CDH13: variants seen among roughly 807,000 people sequenced by gnomAD.
CDH13 encodes cadherin 13.
Under a neutral mutation model 63.8 loss-of-function variants are expected in CDH13, and 24 were observed. The ratio of observed to expected loss-of-function variants is 0.38; its 90% confidence interval spans 0.27 to 0.53. The LOEUF is 0.53. Among genes scored for constraint, CDH13 ranks in the 20% least tolerant of loss-of-function variants. The probability of loss-of-function intolerance (pLI) is 0.85; values close to 1 mark genes in which losing one functional copy is unlikely to be tolerated. For missense variants in CDH13, 1,049 were observed against 903.1 expected (o/e 1.16, Z -2.07); for synonymous variants, 503 against 355.3 (o/e 1.42, Z -4.67).
At chr16:83,241,015 T>A (rs980120373) in intron 5 of CDH13, among the ~76,000 whole-genome samples, 3 of 152,194 alleles carry the variant, frequency 2.0e-5, no homozygotes, top group African/African-American at 7.2e-5. Flanking sequence ...TTAGCAACCA[T>A]CTTCTCACTT....
At chr16:83,357,811 T>C (rs913785898) in intron 6 of CDH13, among the ~76,000 whole-genome samples, 1 of 152,272 alleles carries the variant, frequency 6.6e-6, no homozygotes, top group East Asian at 1.9e-4. Flanking sequence ...ATGCTACAAA[T>C]TGTAGGCATT....
chr16:82,638,930 G>C (rs1418377306), intron 1 of CDH13, among the ~76,000 whole-genome samples: 1 of 145,870 alleles, frequency 6.9e-6, no homozygotes, highest in East Asian at 2.0e-4. Flanking sequence ...AGTTACCCAT[G>C]TTATCTGGAA....
chr16:83,306,734 T>C (rs964283991), intron 5 of CDH13, among the ~76,000 whole-genome samples: 3 of 152,148 alleles, frequency 2.0e-5, no homozygotes, highest in Admixed American at 1.3e-4. Flanking sequence ...GGCTGGATTA[T>C]GAGGACTCTT....
chr16:83,406,532 T>C (rs1035523593), intron 6 of CDH13, among the ~76,000 whole-genome samples: 5 of 152,072 alleles, frequency 3.3e-5, no homozygotes, highest in Non-Finnish European at 2.9e-5. Context: ...GGCACAATCT[T>C]GTCTCACTGC....
At chr16:83,462,346 C>G (rs1473924476) in intron 6 of CDH13, among the ~76,000 whole-genome samples, 2 of 152,216 alleles carry the variant, frequency 1.3e-5, no homozygotes, top group Non-Finnish European at 2.9e-5. Flanking sequence ...CTTCTGCCTC[C>G]TTTCAGTTAT....
intron 2 of CDH13, among the ~76,000 whole-genome samples, chr16:82,889,216 C>T (rs2040993009): frequency 6.6e-6 from 1 of 151,912 alleles, no homozygotes; most frequent in Non-Finnish European, 1.5e-5. Context: ...TTTTTCAGTT[C>T]TAAATAATTT....
chr16:83,185,028 T>C (rs963096796), intron 4 of CDH13, among the ~76,000 whole-genome samples: 7 of 152,074 alleles, frequency 4.6e-5, no homozygotes, highest in Admixed American at 3.3e-4. Flanking sequence ...ATCTTTCTGA[T>C]ATACCTATCT....
Position 83,677,780 on chromosome 16 carries a change from G to A in CDH13, c.1285-428G>A, listed in dbSNP as rs376911504. On this transcript the variant is annotated intron_variant, in intron 9 of 13. Coordinates refer to ENST00000567109, the MANE Select transcript of CDH13 (RefSeq NM_001257.5). ...TGGAGTCTCATTTACCAGAGCCCCC[G>A]TGGGTGTCGGGGGTACGGAGTTACA... is the stretch of plus-strand genomic sequence containing the variant. 2.4e-4 allele frequency among the ~76,000 whole-genome samples: 36 copies of A among 152,234 alleles called. No individual in the cohort carries two copies. In the East Asian group the frequency reaches 5.4e-3, roughly 23 times the overall value.
rs146983301 is a variant in CDH13, at chr16:83,592,766, G to A, written c.961-9688G>A. 6.8e-3 allele frequency among the ~76,000 whole-genome samples: 1,028 copies of A among 152,036 alleles called. 8 individuals are homozygous for A. The highest frequency in any genetic ancestry group is 0.02 in the African/African-American group (848 of 41,440). ...TCCTTGCCCACCAGCCCCCAGCCAC[G>A]AATGCAAAAATAAATAAATAAAAAA... On this transcript the variant is annotated intron_variant, in intron 7 of 13. Coordinates refer to ENST00000567109, the MANE Select transcript of CDH13 (RefSeq NM_001257.5).
At chr16:83,374,704 A>G (rs1202187668) in intron 6 of CDH13, among the ~76,000 whole-genome samples, 1 of 152,214 alleles carries the variant, frequency 6.6e-6, no homozygotes, top group Non-Finnish European at 1.5e-5. Context: ...TTATTATGAA[A>G]GCATTAGACT....
At chr16:83,205,642 G>A (rs571405813) in intron 4 of CDH13, among the ~76,000 whole-genome samples, 17 of 128,050 alleles carry the variant, frequency 1.3e-4, no homozygotes, top group Non-Finnish European at 1.7e-4. Flanking sequence ...GTCTTGCTCT[G>A]TTGCCAGGCT....
At chr16:83,245,768 G>T (rs933533318) in intron 5 of CDH13, among the ~76,000 whole-genome samples, 3 of 151,846 alleles carry the variant, frequency 2.0e-5, no homozygotes, top group African/African-American at 7.3e-5. Context: ...CCTGAGGCAG[G>T]GTCTCACCCT....
chr16:82,955,423 A>T lies in CDH13; in HGVS notation c.158-76587A>T, dbSNP rs12598610. ...CTTGCTTTTTACTTATAAATGATTA[A>T]TACTTTAGCTTCATAATTATCCATT... is the stretch of plus-strand genomic sequence containing the variant. On this transcript the variant is annotated intron_variant, in intron 2 of 13. Coordinates refer to ENST00000567109, the MANE Select transcript of CDH13 (RefSeq NM_001257.5). Among the ~76,000 whole-genome samples the T allele has an allele frequency of 3.3e-5, 5 of 152,336 alleles. No homozygotes were observed. In the East Asian group the frequency reaches 9.6e-4, roughly 29 times the overall value.
At chr16:83,278,851 A>G (rs760647223) in intron 5 of CDH13, among the ~76,000 whole-genome samples, 1 of 152,138 alleles carries the variant, frequency 6.6e-6, no homozygotes, top group Non-Finnish European at 1.5e-5. Context: ...GAACATGACT[A>G]CCTTGCCTGG....
intron 5 of CDH13, among the ~76,000 whole-genome samples, chr16:83,278,858 C>T (rs2089074292): frequency 6.6e-6 from 1 of 152,112 alleles, no homozygotes; most frequent in Non-Finnish European, 1.5e-5. Flanking sequence ...ACTACCTTGC[C>T]TGGAGAGGGG....
intron 4 of CDH13, among the ~76,000 whole-genome samples, chr16:83,203,612 G>A (rs1217160041): frequency 2.0e-5 from 3 of 148,294 alleles, no homozygotes; most frequent in East Asian, 2.0e-4. Context: ...GTGTGAACCC[G>A]GGAGGCGCCA....
At chr16:83,682,005 T>C (rs750708786) in intron 10 of CDH13, among the ~76,000 whole-genome samples, 5 of 152,254 alleles carry the variant, frequency 3.3e-5, no homozygotes, top group Admixed American at 6.5e-5. Context: ...AGGTGTCTCC[T>C]GATAACATTT....
intron 1 of CDH13, among the ~76,000 whole-genome samples, chr16:82,809,346 G>C (rs1318137966): frequency 1.3e-5 from 2 of 151,902 alleles, no homozygotes; most frequent in East Asian, 3.9e-4. Flanking sequence ...TGAAAAATGA[G>C]TAGTTTAGCC....
At chr16:83,401,162 C>G (rs1244375334) in intron 6 of CDH13, among the ~76,000 whole-genome samples, 1 of 151,962 alleles carries the variant, frequency 6.6e-6, no homozygotes, top group Non-Finnish European at 1.5e-5. Context: ...CCAATATGGC[C>G]AAAGCCCGTC....
Sources: allele counts gnomAD v4.1 joint callset (sites outside exome capture counted in the v4.1 genomes callset), GRCh38; gene constraint gnomAD v4.1.1; transcripts MANE v1.5; gene names NCBI Gene and HGNC (gene_info 2026-07-23, HGNC 2026-07-21).